The following DPYD variants were observed in gnomAD, a reference collection of about 807,000 sequenced individuals.
DPYD encodes dihydropyrimidine dehydrogenase.
DPYD carries 109 observed loss-of-function variants against 116.2 expected under a neutral mutation model. The observed-to-expected ratio is 0.94, with a 90% CI of 0.80 to 1.10. The LOEUF is 1.10. Among genes scored for constraint, DPYD ranks in the 50% least tolerant of loss-of-function variants. The probability of loss-of-function intolerance (pLI) is 0.00; values close to 1 mark genes in which losing one functional copy is unlikely to be tolerated. For synonymous variants in DPYD, 440 were observed against 432.0 expected (o/e 1.02, Z -0.23); for missense variants, 1,302 against 1,254.5 (o/e 1.04, Z -0.57).
intron 18 of DPYD, among the ~76,000 whole-genome samples, chr1:97,303,407 T>G (rs1666975776): frequency 6.6e-6 from 1 of 152,002 alleles, no homozygotes; most frequent in East Asian, 1.9e-4. Flanking sequence ...TGTGTAACTT[T>G]CAGTATTAAG....
intron 13 of DPYD, among the ~76,000 whole-genome samples, chr1:97,465,479 G>T (rs1157561367): frequency 6.6e-6 from 1 of 152,266 alleles, no homozygotes; most frequent in South Asian, 2.1e-4. Flanking sequence ...TGTGTTGTGG[G>T]AGGGACCCTG....
At chr1:97,090,268 T>A (rs1478717471) in intron 21 of DPYD, among the ~76,000 whole-genome samples, 1 of 152,190 alleles carries the variant, frequency 6.6e-6, no homozygotes, top group Non-Finnish European at 1.5e-5. Context: ...TTTCTATGTT[T>A]CATGAGAGAC....
At chr1:97,508,010 C>T (rs1221271480) in intron 13 of DPYD, among the ~76,000 whole-genome samples, 2 of 151,972 alleles carry the variant, frequency 1.3e-5, no homozygotes, top group African/African-American at 4.8e-5. Context: ...ATTCATTCAT[C>T]TAACAAGTAT....
chr1:97,561,948 CT>C (rs1652182033), intron 11 of DPYD, among the ~76,000 whole-genome samples: 2 of 152,170 alleles, frequency 1.3e-5, no homozygotes, highest in South Asian at 4.1e-4. Flanking sequence ...AGAAATTTAT[CT>C]GTTTCTCCTG....
At chr1:97,101,838 C>T (rs1650711160) in intron 20 of DPYD, among the ~76,000 whole-genome samples, 1 of 151,946 alleles carries the variant, frequency 6.6e-6, no homozygotes. Context: ...AACTGATGAA[C>T]TGAACAAAGC....
At chr1:97,336,334 G>A (rs759711740) in intron 16 of DPYD, among the ~76,000 whole-genome samples, 74 of 152,158 alleles carry the variant, frequency 4.9e-4, no homozygotes, top group Non-Finnish European at 1.0e-3. Context: ...TAACTGCAAA[G>A]ATGATTTAAA....
chr1:97,519,952 T>G (rs1213016703), intron 12 of DPYD, among the ~76,000 whole-genome samples: 3 of 152,114 alleles, frequency 2.0e-5, no homozygotes, highest in Non-Finnish European at 2.9e-5. Context: ...ATAAAAAATA[T>G]AATTATTTTA....
intron 16 of DPYD, among the ~76,000 whole-genome samples, chr1:97,345,680 G>A (rs933304912): frequency 3.3e-5 from 5 of 151,932 alleles, no homozygotes; most frequent in Non-Finnish European, 7.4e-5. Context: ...AAGGCTTCTA[G>A]TCTTGATTAC....
intron 14 of DPYD, among the ~76,000 whole-genome samples, chr1:97,439,156 T>A (rs1675620889): frequency 6.6e-6 from 1 of 152,124 alleles, no homozygotes; most frequent in Non-Finnish European, 1.5e-5. Context: ...TTTGTGTGAT[T>A]ATCACTATTT....
chr1:97,593,254 T>C lies in DPYD; in HGVS notation c.1092A>G (p.Arg364=), dbSNP rs763008163. ...CGARRVFIVF[R]KGFVNIRAVP... ...CAGCTCTTATATTAACAAAGCCTTT[T>C]CTGAAGACGATGAACACACGGCGAG... is the stretch of plus-strand genomic sequence containing the variant. Residue 364 remains arginine (R), a synonymous_variant, in exon 10 of 23, where the codon AGA becomes AGG. Coordinates refer to ENST00000370192, the MANE Select transcript of DPYD (RefSeq NM_000110.4). 3 of 1,613,974 alleles carry C rather than the reference T, an allele frequency of 1.9e-6. No homozygotes were observed. The highest frequency in any genetic ancestry group is 2.5e-6 in the Non-Finnish European group (3 of 1,180,022).
At chr1:97,439,672 T>A (rs1035527089) in intron 14 of DPYD, among the ~76,000 whole-genome samples, 90 of 152,230 alleles carry the variant, frequency 5.9e-4, no homozygotes, top group African/African-American at 2.1e-3. Context: ...CAGCTTTACC[T>A]TCATTGATGT....
At chr1:97,868,880 A>G (rs538928689) in intron 2 of DPYD, among the ~76,000 whole-genome samples, 1 of 151,812 alleles carries the variant, frequency 6.6e-6, no homozygotes. Context: ...TTGGTTGTCT[A>G]TATCTCAAAC....
chr1:97,436,998 T>C (rs1330226831), intron 14 of DPYD, among the ~76,000 whole-genome samples: 1 of 151,834 alleles, frequency 6.6e-6, no homozygotes, highest in Non-Finnish European at 1.5e-5. Context: ...AGTATACTTC[T>C]ATATATGTTA....
intron 4 of DPYD, among the ~76,000 whole-genome samples, chr1:97,731,794 T>C (rs1000723391): frequency 3.3e-5 from 5 of 151,978 alleles, no homozygotes; most frequent in Non-Finnish European, 7.4e-5. Flanking sequence ...ATCCTATGTG[T>C]TTCTTATACA....
At chr1:97,871,454 C>T (rs1444246126) in intron 2 of DPYD, among the ~76,000 whole-genome samples, 1 of 151,604 alleles carries the variant, frequency 6.6e-6, no homozygotes, top group Non-Finnish European at 1.5e-5. Flanking sequence ...AGTTAGTAGC[C>T]CTGCAGGAGC....
intron 8 of DPYD, among the ~76,000 whole-genome samples, chr1:97,603,537 T>C (rs1655394888): frequency 6.6e-6 from 1 of 152,102 alleles, no homozygotes; most frequent in African/African-American, 2.4e-5. Context: ...GGAAACAGCA[T>C]TAAAGCTGCC....
chr1:97,486,954 AG>A (rs1678674151), intron 13 of DPYD, among the ~76,000 whole-genome samples: 1 of 151,948 alleles, frequency 6.6e-6, no homozygotes, highest in African/African-American at 2.4e-5. Context: ...GAGTAAAAAA[AG>A]ATAAATCAGA....
intron 5 of DPYD, among the ~76,000 whole-genome samples, chr1:97,714,311 C>T (rs1376318417): frequency 1.3e-5 from 2 of 152,014 alleles, no homozygotes; most frequent in African/African-American, 2.4e-5. Flanking sequence ...CCTCCAGGTT[C>T]AAGTGATTCT....
At chr1:97,362,268 G>A (rs937936376) in intron 16 of DPYD, among the ~76,000 whole-genome samples, 6 of 152,088 alleles carry the variant, frequency 3.9e-5, no homozygotes, top group African/African-American at 1.4e-4. Flanking sequence ...CCTCTTCAAG[G>A]AGAACTACAA....
Sources: allele counts gnomAD v4.1 joint callset (sites outside exome capture counted in the v4.1 genomes callset), GRCh38; gene constraint gnomAD v4.1.1; transcripts MANE v1.5; gene names NCBI Gene and HGNC (gene_info 2026-07-23, HGNC 2026-07-21).